The following JCAD variants were observed in gnomAD, a reference collection of about 807,000 sequenced individuals.
The protein encoded by JCAD is junctional cadherin 5-associated protein.
A neutral mutation model predicts 98.0 loss-of-function variants in JCAD; 40 were observed. The observed-to-expected ratio is 0.41, with a 90% CI of 0.32 to 0.53. JCAD has a LOEUF of 0.53. JCAD is among the 20% of genes least tolerant of loss of function. The pLI is 0.31. For missense variants in JCAD, 1,705 were observed against 1,738.1 expected, an observed-to-expected ratio of 0.98 and a Z score of 0.34; for synonymous variants, 691 against 682.3, an observed-to-expected ratio of 1.01 and a Z score of -0.20.
intron 2 of JCAD, among the ~76,000 whole-genome samples, chr10:30,047,288 C>T (rs1201295674): frequency 6.6e-6 from 1 of 152,208 alleles, no homozygotes; most frequent in Non-Finnish European, 1.5e-5. Flanking sequence ...AGGAGAATTG[C>T]TTGAACCCTG....
At chr10:30,039,316 T>G (rs1055665643) in intron 2 of JCAD, among the ~76,000 whole-genome samples, 5 of 152,142 alleles carry the variant, frequency 3.3e-5, no homozygotes, top group African/African-American at 1.2e-4. Flanking sequence ...CCCACCCGAG[T>G]GACTAGGAGA....
At chr10:30,058,480 G>T (rs1837627014) in intron 1 of JCAD, among the ~76,000 whole-genome samples, 1 of 152,220 alleles carries the variant, frequency 6.6e-6, no homozygotes, top group South Asian at 2.1e-4. Flanking sequence ...GCATGCCCAG[G>T]TAGCGCTGGC....
At position 30,029,747 on chromosome 10, in the gene JCAD, A is replaced by G. The variant is rs1372873733; in HGVS notation, c.401T>C (p.Leu134Pro). Residue 134 changes from leucine to proline, a missense_variant, in exon 3 of 4, where the codon CTG becomes CCG. Physicochemically the swap from Leu to Pro is moderately conservative, Grantham distance 98 (BLOSUM62 -3). Coordinates refer to ENST00000375377, the MANE Select transcript of JCAD (RefSeq NM_020848.4). ...GGCTTGGGCCATTCCTCTGGCCTCC[A>G]GGTTTTCGTGCTCCCTCGGCTTCTG... ...RSQKPREHENLEARGMAQAHS... is the reference protein window; with the variant it reads ...RSQKPREHENPEARGMAQAHS... 1.2e-6 allele frequency: 2 copies of G among 1,614,210 alleles called. No individual in the cohort carries two copies. Among genetic ancestry groups the G allele is most frequent in the East Asian group, 2.2e-5 (1 of 44,882 alleles).
intron 1 of JCAD, among the ~76,000 whole-genome samples, chr10:30,093,451 C>G (rs1838317707): frequency 6.6e-6 from 1 of 152,184 alleles, no homozygotes; most frequent in African/African-American, 2.4e-5. Context: ...CATAAGCTGC[C>G]TGTGGAGAGG....
chr10:30,069,184 C>T (rs377181774), intron 2 of JCAD, among the ~76,000 whole-genome samples: 56 of 152,260 alleles, frequency 3.7e-4, no homozygotes, highest in African/African-American at 1.3e-3. Flanking sequence ...TTGAATACCT[C>T]TGAAGTGGAA....
upstream of JCAD, among the ~76,000 whole-genome samples, chr10:30,064,552 A>G (rs1035523818): frequency 8.5e-5 from 13 of 152,174 alleles, no homozygotes; most frequent in African/African-American, 2.4e-4. Context: ...TCTTCTAGCA[A>G]TTTTGAAATA....
At chr10:30,058,839 G>T (rs566977056) in intron 1 of JCAD, among the ~76,000 whole-genome samples, 28 of 152,258 alleles carry the variant, frequency 1.8e-4, no homozygotes, top group African/African-American at 6.5e-4. Context: ...CCAGGAGCCG[G>T]GCGGCCCCGG....
chr10:30,064,419 G>T (rs559737800), upstream of JCAD, among the ~76,000 whole-genome samples: 327 of 152,230 alleles, frequency 2.1e-3, no homozygotes, highest in Non-Finnish European at 3.3e-3. Context: ...ACTGTAAAAA[G>T]TAAATTTCTT....
chr10:30,047,170 G>A (rs1368694778), intron 2 of JCAD, among the ~76,000 whole-genome samples: 1 of 151,992 alleles, frequency 6.6e-6, no homozygotes, highest in Admixed American at 6.6e-5. Context: ...TCAGGAGTTC[G>A]AGACCAGCCT....
chr10:30,026,428 A>C lies in JCAD; in HGVS notation c.3720T>G (p.Ile1240Met). The C allele has an allele frequency of 6.2e-7, 1 of 1,614,192 alleles. No homozygotes were observed. Among genetic ancestry groups the C allele is most frequent in the Non-Finnish European group, 8.5e-7 (1 of 1,180,036 alleles). ...EKRLRSPSKV[I>M]ESLQEKLASP... The stretch of plus-strand genomic sequence containing the variant: ...AGGCCAGTTTCTCTTGTAAACTTTC[A>C]ATCACTTTGGAAGGGCTTCTAAGTC... The change falls in exon 3 of 4, where the codon ATT (isoleucine) becomes ATG (methionine). Residue 1240 changes from isoleucine (I) to methionine (M), a missense_variant. Physicochemically the swap from Ile to Met is conservative, Grantham distance 10. This residue lies in a region of JCAD where 1,278 missense variants were observed against 1,243.1 expected (regional missense o/e 1.03). Coordinates refer to ENST00000375377, the MANE Select transcript of JCAD (RefSeq NM_020848.4).
chr10:30,070,544 T>G (rs1015445476), intron 1 of JCAD, among the ~76,000 whole-genome samples: 1 of 152,244 alleles, frequency 6.6e-6, no homozygotes, highest in African/African-American at 2.4e-5. Context: ...TTTGTCCGCA[T>G]CTTTTTACAG....
In JCAD at chr10:30,027,996, A is replaced by G; in HGVS notation, c.2152T>C (p.Leu718=). The G allele has an allele frequency of 6.2e-7, 1 of 1,614,222 alleles. No individual in the cohort carries two copies. The highest frequency in any genetic ancestry group is 8.5e-7 in the Non-Finnish European group (1 of 1,180,042). ...AKLGGPSRAA[L]SPKCSDPAAS... ...GCAGGGTCTGAACATTTTGGACTCA[A>G]TGCTGCACGACTCGGCCCTCCCAGC... Residue 718 remains leucine, a synonymous_variant, in exon 3 of 4, where the codon TTG becomes CTG. Coordinates refer to ENST00000375377, the MANE Select transcript of JCAD (RefSeq NM_020848.4).
At position 30,013,490 on chromosome 10, in the gene JCAD, C is replaced by T. The variant is rs994977017; in HGVS notation, c.*4393G>A. ...TTATAATCTGGAAATGACTGCTTTTCCCCTTGCTGGGACATATGGTTTTCA... is the reference window on the plus strand; with the variant it reads ...TTATAATCTGGAAATGACTGCTTTTTCCCTTGCTGGGACATATGGTTTTCA... On this transcript the variant is annotated 3_prime_UTR_variant, in exon 4 of 4. Transcript: ENST00000375377. 1.3e-5 allele frequency: 2 copies of T among 152,164 alleles called. No individual in the cohort carries two copies. The highest frequency in any genetic ancestry group is 4.8e-5 in the African/African-American group (2 of 41,442). 9.4% of individuals were successfully genotyped at this position (152,164 alleles called of 1,614,324 possible).
At chr10:30,114,438 G>C (rs970822177) in intron 1 of JCAD, among the ~76,000 whole-genome samples, 3 of 152,230 alleles carry the variant, frequency 2.0e-5, no homozygotes, top group African/African-American at 7.2e-5. Flanking sequence ...TTCTTCAAAT[G>C]CAACTGCAAA....
At chr10:30,094,106 C>T (rs572107444) in intron 1 of JCAD, among the ~76,000 whole-genome samples, 20 of 152,132 alleles carry the variant, frequency 1.3e-4, no homozygotes, top group Non-Finnish European at 2.4e-4. Context: ...TAGGAACTTG[C>T]CTCCCTGCAT....
chr10:30,080,752 G>A (rs1306137020), intron 1 of JCAD, among the ~76,000 whole-genome samples: 27 of 151,942 alleles, frequency 1.8e-4, no homozygotes, highest in Non-Finnish European at 1.5e-5. Context: ...TCCCCCTCTG[G>A]AATGATCCCC....
chr10:30,026,160 T>C lies in JCAD; in HGVS notation c.3988A>G (p.Lys1330Glu). 5 of 1,614,164 alleles carry C rather than the reference T, an allele frequency of 3.1e-6. No homozygotes were observed. Among genetic ancestry groups the C allele is most frequent in the Non-Finnish European group, 4.2e-6 (5 of 1,180,034 alleles). Residue 1330 changes from lysine (K) to glutamate (E), a missense_variant, in exon 3 of 4, where the codon AAG (lysine) becomes GAG (glutamate). Lys to Glu is a moderately conservative substitution (Grantham distance 56). Coordinates refer to ENST00000375377, the MANE Select transcript of JCAD (RefSeq NM_020848.4). ...TCCTTTTGTGCTGCCGGATGCTCCT[T>C]CTCTTCCCTGGAGATGCTGTCCTTG... Reference protein sequence around the residue: ...VSKDSISREEKEHPAAQKEKS... With the variant: ...VSKDSISREEEEHPAAQKEKS...
chr10:30,094,062 T>C (rs544257859), intron 1 of JCAD, among the ~76,000 whole-genome samples: 2 of 152,308 alleles, frequency 1.3e-5, no homozygotes, highest in East Asian at 3.9e-4. Context: ...GAAAAGAGTG[T>C]GATTCTCTTT....
At chr10:30,094,971 A>G (rs1229599655) in intron 1 of JCAD, among the ~76,000 whole-genome samples, 1 of 152,014 alleles carries the variant, frequency 6.6e-6, no homozygotes, top group African/African-American at 2.4e-5. Flanking sequence ...AGTTTTATTA[A>G]TTGTCTGAGT....
Sources: allele counts gnomAD v4.1 joint callset (sites outside exome capture counted in the v4.1 genomes callset), GRCh38; gene constraint gnomAD v4.1.1; regional missense constraint gnomAD v4.1.1; transcripts MANE v1.5; gene names NCBI Gene and HGNC (gene_info 2026-07-23, HGNC 2026-07-21).